KIF17: variants seen among roughly 807,000 people sequenced by gnomAD.
The protein encoded by KIF17 is kinesin family member 17.
KIF17 carries 80 observed loss-of-function variants against 96.8 expected under a neutral mutation model. The ratio of observed to expected loss-of-function variants is 0.83; its 90% CI spans 0.69 to 1.00. The LOEUF (loss-of-function observed/expected upper bound fraction) is 1.00, where lower values mean the gene tolerates loss of function less well. Ranked by LOEUF, KIF17 falls within the 50% of genes least tolerant of loss-of-function variation. The probability of loss-of-function intolerance (pLI) is 0.00; values close to 1 mark genes in which losing one functional copy is unlikely to be tolerated. For synonymous variants in KIF17, 567 were observed against 587.5 expected (o/e 0.97, Z 0.51); for missense variants, 1,280 against 1,372.9 (o/e 0.93, Z 1.07).
At chr1:20,710,747 A>G (rs1179391649) in intron 3 of KIF17, among the ~76,000 whole-genome samples, 1 of 152,144 alleles carries the variant, frequency 6.6e-6, no homozygotes, top group African/African-American at 2.4e-5. Flanking sequence ...GGGGCGAGGC[A>G]CAGCTGGTCC....
chr1:20,700,440 C>A lies in KIF17; in HGVS notation c.1124-1952G>T, dbSNP rs538761442. Among the ~76,000 whole-genome samples, 2 of 152,128 alleles carry A rather than the reference C, an allele frequency of 1.3e-5. No homozygotes were observed. Among genetic ancestry groups the A allele is most frequent in the African/African-American group, 4.8e-5 (2 of 41,422 alleles). On this transcript the variant is annotated intron_variant, in intron 5 of 14. Coordinates refer to ENST00000400463, the MANE Select transcript of KIF17 (RefSeq NM_001122819.3). The surrounding 1 kb of genome is among the most constrained non-coding windows in gnomAD (Gnocchi z 4.6). ...CCAACTGGATGTAGATTTGAGAGAACGTGAGAAGCCAGGGGCGACCCCAAG... is the reference window on the plus strand; with the variant it reads ...CCAACTGGATGTAGATTTGAGAGAAAGTGAGAAGCCAGGGGCGACCCCAAG...
At chr1:20,676,712 T>C (rs1405647326) in intron 11 of KIF17, among the ~76,000 whole-genome samples, 1 of 152,082 alleles carries the variant, frequency 6.6e-6, no homozygotes, top group Non-Finnish European at 1.5e-5. Flanking sequence ...ATGCCTGTAA[T>C]GCCAGCTACT....
chr1:20,710,542 G>A (rs1354746805), intron 3 of KIF17, among the ~76,000 whole-genome samples: 17 of 152,148 alleles, frequency 1.1e-4, no homozygotes, highest in Admixed American at 1.0e-3. Flanking sequence ...TGTGAAACAC[G>A]GTATTTTTCA....
chr1:20,713,539 T>G lies in KIF17; in HGVS notation c.395A>C (p.Lys132Thr). ...CAGGTAGGAGGCCCGGACCAGGAAC[T>G]TAGTGTTCTCTGCACACTGCAGGGA... ...FESVQCAENT[K>T]FLVRASYLEI... The change falls in exon 3 of 15, where the codon AAG becomes ACG. Residue 132 changes from lysine to threonine, a missense_variant. Lys to Thr is a moderately conservative substitution (Grantham distance 78). Transcript: ENST00000400463. The G allele has an allele frequency of 6.2e-7, 1 of 1,612,916 alleles. No homozygotes were observed. The highest frequency in any genetic ancestry group is 8.5e-7 in the Non-Finnish European group (1 of 1,179,668).
Position 20,669,582 on chromosome 1 carries a change from A to G in KIF17, c.2790+839T>C, listed in dbSNP as rs192003832. Among the ~76,000 whole-genome samples the G allele has an allele frequency of 4.1e-4, 60 of 146,788 alleles. No homozygotes were observed. In the East Asian group the frequency reaches 0.012, roughly 28 times the overall value. ...ATAATAATAAATAAAATAAAATAAA[A>G]TAAAATAGAGGCCGGGCGTGGTGGC... On this transcript the variant is annotated intron_variant, in intron 13 of 14. Transcript: ENST00000400463.
In KIF17 at chr1:20,717,463, C is replaced by A; in HGVS notation, c.231+13G>T. The A allele has an allele frequency of 1.9e-6, 3 of 1,609,630 alleles. No homozygotes were observed. Among genetic ancestry groups the A allele is most frequent in the Middle Eastern group, 3.3e-4 (2 of 6,058 alleles). On this transcript the variant is annotated intron_variant, in intron 1 of 14. Coordinates refer to ENST00000400463, the MANE Select transcript of KIF17 (RefSeq NM_001122819.3). ...CCCTGCCGCCTGCAGGGCGGCCTGCCGGGCGCCCTCACCTCCACCAGCGGA... is the reference window on the plus strand; with the variant it reads ...CCCTGCCGCCTGCAGGGCGGCCTGCAGGGCGCCCTCACCTCCACCAGCGGA...
At position 20,717,620 on chromosome 1, in the gene KIF17, A is replaced by G. The variant is rs2054604714; in HGVS notation, c.87T>C (p.Thr29=). ...AGCACTGGGCGCGCGCGCAGTCCACAGTCACCACGGGCTGGCAGCGCAGCT... is the reference window on the plus strand; with the variant it reads ...AGCACTGGGCGCGCGCGCAGTCCACGGTCACCACGGGCTGGCAGCGCAGCT... ...ERELRCQPVV[T]VDCARAQCCI... is the part of the protein sequence containing the mutation. Residue 29 remains threonine, a synonymous_variant, in exon 1 of 15, where the codon ACT becomes ACC. Coordinates refer to ENST00000400463, the MANE Select transcript of KIF17 (RefSeq NM_001122819.3). 6.2e-7 allele frequency: 1 copy of G among 1,609,678 alleles called. No homozygotes were observed. The highest frequency in any genetic ancestry group is 8.5e-7 in the Non-Finnish European group (1 of 1,179,226).
intron 14 of KIF17, among the ~76,000 whole-genome samples, chr1:20,665,523 C>T (rs895579828): frequency 6.6e-6 from 1 of 151,714 alleles, no homozygotes; most frequent in Non-Finnish European, 1.5e-5. Context: ...CCTCAGCCCC[C>T]TGAGTAGTTG....
intron 13 of KIF17, among the ~76,000 whole-genome samples, chr1:20,667,315 A>G (rs903840733): frequency 6.6e-6 from 1 of 152,156 alleles, no homozygotes; most frequent in African/African-American, 2.4e-5. Flanking sequence ...TGTGGTTCTT[A>G]TGAGAATCTA....
rs1443052196 is a variant in KIF17, at chr1:20,717,547, A to T, written c.160T>A (p.Phe54Ile). ...AADEPPKQFTFDGAYHVDHVT... is the reference protein window; with the variant it reads ...AADEPPKQFTIDGAYHVDHVT... ...TGGTCCACGTGGTAGGCGCCGTCGAAGGTGAACTGCTTGGGCGGCTCGTCG... is the reference window on the plus strand; with the variant it reads ...TGGTCCACGTGGTAGGCGCCGTCGATGGTGAACTGCTTGGGCGGCTCGTCG... The change falls in exon 1 of 15, where the codon TTC (phenylalanine) becomes ATC (isoleucine). Residue 54 changes from phenylalanine (F) to isoleucine (I), a missense_variant. Transcript: ENST00000400463. 2 of 1,611,448 alleles carry T rather than the reference A, an allele frequency of 1.2e-6. No individual in the cohort carries two copies. Among genetic ancestry groups the T allele is most frequent in the Admixed American group, 1.7e-5 (1 of 59,932 alleles).
intron 14 of KIF17, among the ~76,000 whole-genome samples, chr1:20,665,465 T>C (rs796842514): frequency 1.4e-5 from 2 of 143,752 alleles, no homozygotes; most frequent in South Asian, 4.4e-4. Context: ...AGTGGCAGGA[T>C]CTCGAATCAC....
chr1:20,677,122 G>C (rs1222816719), intron 11 of KIF17, among the ~76,000 whole-genome samples: 2 of 152,136 alleles, frequency 1.3e-5, no homozygotes, highest in African/African-American at 4.8e-5. Flanking sequence ...GAGGTAGGAG[G>C]ATCACCTGAG....
rs552145742 is a variant in KIF17 at position 20,691,615 on chromosome 1, C to T, written c.1234-1280G>A. Among the ~76,000 whole-genome samples the T allele has an allele frequency of 6.6e-4, 98 of 148,960 alleles. No homozygotes were observed. The South Asian group carries it at 0.016, about 24-fold the overall frequency. On this transcript the variant is annotated intron_variant, in intron 6 of 14. Transcript: ENST00000400463. ...ATTACAGTTCAGTTGTCCACCACCA[C>T]GTCTGGCTATTTTTTTTTTTTTTTT...
intron 11 of KIF17, among the ~76,000 whole-genome samples, chr1:20,673,697 T>C (rs1410280017): frequency 6.6e-6 from 1 of 151,884 alleles, no homozygotes; most frequent in Non-Finnish European, 1.5e-5. Flanking sequence ...GCTCAGCTCA[T>C]TTTTTGTATT....
intron 10 of KIF17, among the ~76,000 whole-genome samples, chr1:20,684,279 G>C (rs1478999604): frequency 3.3e-5 from 5 of 152,244 alleles, no homozygotes; most frequent in African/African-American, 1.2e-4. Context: ...CTCAGTGTTT[G>C]AACTGTGGCC....
At position 20,704,459 on chromosome 1, in the gene KIF17, T is replaced by C. The variant is rs752176653; in HGVS notation, c.1111A>G (p.Ser371Gly). ...KAILTQQMSP[S>G]SLSALLSRQV... ...AACGTGGTCCCACCTGACAGGCTGC[T>C]GGGGCTCATCTGCTGTGTCAGGATG... The change falls in exon 5 of 15, where the codon AGC becomes GGC. Residue 371 changes from serine to glycine, a missense_variant. Physicochemically the swap from Ser to Gly is moderately conservative, Grantham distance 56 (BLOSUM62 0). Transcript: ENST00000400463. The surrounding 1 kb of genome is among the most constrained non-coding windows in gnomAD (Gnocchi z 6.8). The C allele has an allele frequency of 6.2e-7, 1 of 1,614,016 alleles. No individual in the cohort carries two copies. The highest frequency in any genetic ancestry group is 8.5e-7 in the Non-Finnish European group (1 of 1,179,892).
At chr1:20,715,778 G>A in intron 1 of KIF17, 139 bp from the exon 2 acceptor site, 1 of 1,009,818 alleles carries the variant, frequency 9.9e-7, no homozygotes. Flanking sequence ...AGATAAACAA[G>A]GCGCAGCTCT....
chr1:20,701,771 G>A lies in KIF17; in HGVS notation c.1123+2676C>T, dbSNP rs970356241. On this transcript the variant is annotated intron_variant, in intron 5 of 14. Transcript: ENST00000400463. ...TGAGGCCTGCCCCAGGACAGTCACC[G>A]GGCTCCACGACAGGAGGCCATCGGT... 3.9e-5 allele frequency among the ~76,000 whole-genome samples: 6 copies of A among 152,322 alleles called. No individual in the cohort carries two copies. The South Asian group carries it at 6.2e-4, about 16-fold the overall frequency.
intron 11 of KIF17, among the ~76,000 whole-genome samples, chr1:20,677,728 C>T (rs892260389): frequency 7.2e-5 from 11 of 151,838 alleles, no homozygotes; most frequent in Non-Finnish European, 1.3e-4. Context: ...GGGTGGTGCA[C>T]GCCTGTAGTC....
Sources: allele counts gnomAD v4.1 joint callset (sites outside exome capture counted in the v4.1 genomes callset), GRCh38; gene constraint gnomAD v4.1.1; non-coding constraint Gnocchi (gnomAD v3.1); transcripts MANE v1.5; gene names NCBI Gene and HGNC (gene_info 2026-07-23, HGNC 2026-07-21).